The following NRXN3 variants were observed in gnomAD, a reference collection of about 807,000 sequenced individuals.
NRXN3 encodes neurexin III.
A neutral mutation model predicts 137.6 loss-of-function variants in NRXN3; 32 were observed. The observed-to-expected ratio is 0.23, with a 90% CI of 0.18 to 0.31. NRXN3 has a LOEUF of 0.31. NRXN3 is among the 10% of genes least tolerant of loss of function. The pLI is 1.00. For synonymous variants in NRXN3, 798 were observed against 784.5 expected (o/e 1.02, Z -0.29); for missense variants, 1,574 against 2,062.5 (o/e 0.76, Z 4.59).
chr14:79,140,360 GA>G (rs1568408443), intron 15 of NRXN3, among the ~76,000 whole-genome samples: 1 of 152,092 alleles, frequency 6.6e-6, no homozygotes, highest in East Asian at 1.9e-4. Context: ...GAGAGATTTT[GA>G]AAACATGGCC....
chr14:78,681,520 T>C (rs1438465103), intron 6 of NRXN3, among the ~76,000 whole-genome samples: 1 of 152,208 alleles, frequency 6.6e-6, no homozygotes, highest in Non-Finnish European at 1.5e-5. Flanking sequence ...AATTGCTCTG[T>C]GGAGACCTCA....
chr14:78,962,859 G>A (rs140478807), intron 11 of NRXN3, among the ~76,000 whole-genome samples: 13,952 of 152,028 alleles, frequency 0.092, 803 homozygotes, highest in Admixed American at 0.11. Context: ...GACTACAGGC[G>A]TGTGCCACCA....
intron 19 of NRXN3, among the ~76,000 whole-genome samples, chr14:79,715,153 C>T (rs1185975729): frequency 2.0e-5 from 3 of 152,106 alleles, no homozygotes; most frequent in Admixed American, 6.5e-5. Flanking sequence ...TGGGGTTTCA[C>T]CGTGTTAGCC....
intron 16 of NRXN3, among the ~76,000 whole-genome samples, chr14:79,622,892 G>A (rs1011667530): frequency 2.6e-5 from 4 of 152,122 alleles, no homozygotes; most frequent in South Asian, 2.1e-4. Context: ...CACCGCACCC[G>A]GCCTATTACT....
chr14:79,156,526 C>G (rs571971534), intron 15 of NRXN3, among the ~76,000 whole-genome samples: 6 of 148,940 alleles, frequency 4.0e-5, no homozygotes, highest in African/African-American at 1.5e-4. Context: ...TAAACAATGA[C>G]AAAAGCCTTT....
intron 6 of NRXN3, among the ~76,000 whole-genome samples, chr14:78,707,585 G>A (rs1221345951): frequency 3.9e-5 from 6 of 152,128 alleles, no homozygotes; most frequent in Non-Finnish European, 8.8e-5. Flanking sequence ...GGTTATTGGG[G>A]TTCAGGTGGT....
At chr14:79,484,024 G>A (rs966306303) in intron 16 of NRXN3, among the ~76,000 whole-genome samples, 15 of 152,154 alleles carry the variant, frequency 9.9e-5, no homozygotes, top group African/African-American at 3.4e-4. Flanking sequence ...TTCAAGGTTC[G>A]ATTTCCTCCT....
At chr14:79,307,460 A>C (rs547983979) in intron 15 of NRXN3, among the ~76,000 whole-genome samples, 2 of 152,178 alleles carry the variant, frequency 1.3e-5, no homozygotes, top group South Asian at 2.1e-4. Context: ...TTACCCCAAA[A>C]CTTAGCAGAT....
intron 4 of NRXN3, among the ~76,000 whole-genome samples, chr14:78,535,772 T>TA (rs1414313531): frequency 2.0e-5 from 3 of 152,144 alleles, no homozygotes; most frequent in African/African-American, 7.2e-5. Flanking sequence ...CCAAATCTAT[T>TA]AAAAAATGGA....
At chr14:79,473,865 A>G (rs1431799060) in intron 16 of NRXN3, among the ~76,000 whole-genome samples, 1 of 152,158 alleles carries the variant, frequency 6.6e-6, no homozygotes, top group Non-Finnish European at 1.5e-5. Context: ...CAGCTTAGCC[A>G]TGCTATCCCA....
At chr14:78,631,898 G>A (rs1400839157) in intron 4 of NRXN3, among the ~76,000 whole-genome samples, 1 of 152,040 alleles carries the variant, frequency 6.6e-6, no homozygotes, top group East Asian at 1.9e-4. Context: ...ATCAGGTCAG[G>A]AGATCAAGAC....
chr14:78,936,857 A>G (rs1327873360), intron 10 of NRXN3, among the ~76,000 whole-genome samples: 1 of 152,114 alleles, frequency 6.6e-6, no homozygotes, highest in Non-Finnish European at 1.5e-5. Flanking sequence ...TACCCTTTTC[A>G]TGCCTTTGGT....
chr14:79,825,012 A>G (rs2099289580), intron 20 of NRXN3, among the ~76,000 whole-genome samples: 1 of 152,154 alleles, frequency 6.6e-6, no homozygotes. Flanking sequence ...CACTCCTACT[A>G]AAGAACAAAC....
At position 78,590,388 on chromosome 14, in the gene NRXN3, C is replaced by T. The variant is rs112736975; in HGVS notation, c.758-54732C>T. Among the ~76,000 whole-genome samples, 510 of 152,206 alleles carry T rather than the reference C, an allele frequency of 3.4e-3. 4 individuals are homozygous for T. Among genetic ancestry groups the T allele is most frequent in the African/African-American group, 0.011 (472 of 41,520 alleles). ...ATGACTTGAGAGATTGTGAGCAGAC[C>T]AATATCTTCTGTAAATGACTGGATA... On this transcript the variant is annotated intron_variant, in intron 4 of 20. Transcript: ENST00000335750.
intron 15 of NRXN3, among the ~76,000 whole-genome samples, chr14:79,064,803 A>ATG (rs370697827): frequency 0.62 from 79,536 of 129,084 alleles, 22,895 homozygotes; most frequent in East Asian, 0.79. Context: ...ACCCATATAT[A>ATG]TGTGTGTGTG....
intron 4 of NRXN3, among the ~76,000 whole-genome samples, chr14:78,447,539 C>T (rs1014875026): frequency 1.3e-5 from 2 of 152,174 alleles, no homozygotes; most frequent in African/African-American, 4.8e-5. Flanking sequence ...CAGTGAGGGG[C>T]CAGCCCTTGT....
At chr14:79,301,115 C>T (rs547524076) in intron 15 of NRXN3, among the ~76,000 whole-genome samples, 3 of 152,098 alleles carry the variant, frequency 2.0e-5, no homozygotes, top group African/African-American at 7.2e-5. Flanking sequence ...TCCTATATAA[C>T]GTTTAATATG....
chr14:79,858,846 CAG>C (rs2099408278), intron 20 of NRXN3, among the ~76,000 whole-genome samples: 1 of 152,022 alleles, frequency 6.6e-6, no homozygotes, highest in Non-Finnish European at 1.5e-5. Context: ...AAAGTTTGCT[CAG>C]AGTTAGTTTT....
At chr14:79,839,753 T>C (rs1314381301) in intron 20 of NRXN3, among the ~76,000 whole-genome samples, 1 of 152,214 alleles carries the variant, frequency 6.6e-6, no homozygotes, top group Non-Finnish European at 1.5e-5. Flanking sequence ...CCCAATGTTC[T>C]CTTCTAGTAG....
Sources: gnomAD v4.1 joint callset for allele counts (sites outside exome capture counted in the v4.1 genomes callset) on GRCh38, gnomAD v4.1.1 for gene constraint, MANE v1.5 for transcripts, NCBI Gene and HGNC (gene_info 2026-07-23, HGNC 2026-07-21) for gene names.